Variants in RGS9 observed in about 807,000 individuals in gnomAD.
The protein encoded by RGS9 is regulator of G-protein signalling 9.
In RGS9, 78 loss-of-function variants were observed where a neutral mutation model predicts 102.0. The ratio of observed to expected loss-of-function variants is 0.76; its 90% CI spans 0.64 to 0.92. The LOEUF is 0.92. Among genes scored for constraint, RGS9 ranks in the 40% least tolerant of loss-of-function variants. RGS9 has a pLI of 0.00. For missense variants in RGS9, 833 were observed against 866.1 expected (o/e 0.96, Z 0.48); for synonymous variants, 353 against 318.6 (o/e 1.11, Z -1.15).
intron 17 of RGS9, among the ~76,000 whole-genome samples, chr17:65,213,190 G>A (rs73330418): frequency 0.05 from 7,628 of 152,238 alleles, 336 homozygotes; most frequent in African/African-American, 0.11. Context: ...TTTACTTGAA[G>A]ATTTGGAATG....
chr17:65,215,544 C>CTTTCTTTCT (rs1555617668), intron 17 of RGS9, among the ~76,000 whole-genome samples: 4 of 105,148 alleles, frequency 3.8e-5, no homozygotes, highest in East Asian at 2.2e-4. Flanking sequence ...TTCTTTCTTT[C>CTTTCTTTCT]TTTTTTTTTG....
chr17:65,194,089 A>AGTTG (rs1912488479), intron 12 of RGS9, among the ~76,000 whole-genome samples: 1 of 152,350 alleles, frequency 6.6e-6, no homozygotes, highest in Admixed American at 6.5e-5. Context: ...CAGGCTGGTC[A>AGTTG]GTTGACCTGT....
intron 6 of RGS9, among the ~76,000 whole-genome samples, chr17:65,162,650 T>TC (rs1911029124): frequency 6.6e-6 from 1 of 151,224 alleles, no homozygotes; most frequent in South Asian, 2.1e-4. Context: ...TTTTTTTTTT[T>TC]AGTAGAGACA....
At chr17:65,150,582 A>T (rs549494654) in intron 1 of RGS9, among the ~76,000 whole-genome samples, 2 of 152,188 alleles carry the variant, frequency 1.3e-5, no homozygotes, top group Non-Finnish European at 2.9e-5. Context: ...AGATCATGCC[A>T]CTGCACTCCA....
chr17:65,216,311 A>G (rs796609742), intron 17 of RGS9, among the ~76,000 whole-genome samples: 1 of 152,186 alleles, frequency 6.6e-6, no homozygotes, highest in African/African-American at 2.4e-5. Context: ...CCTGACAACT[A>G]CCAAGCAAAC....
chr17:65,215,181 AGGTGTGGATTAGGAGGGTGGT>A (rs1913442958), intron 17 of RGS9, among the ~76,000 whole-genome samples: 1 of 152,122 alleles, frequency 6.6e-6, no homozygotes, highest in Non-Finnish European at 1.5e-5. Context: ...GTCAAGAGGA[AGGTGTGGATTAGGAGGGTGGT>A]GGTGGGTTCA....
At chr17:65,197,694 G>A (rs1912651516) in intron 13 of RGS9, among the ~76,000 whole-genome samples, 1 of 151,072 alleles carries the variant, frequency 6.6e-6, no homozygotes, top group African/African-American at 2.4e-5. Context: ...TCTGGAGACA[G>A]AGTCTTGCTG....
chr17:65,204,501 A>G (rs1912973456), intron 15 of RGS9, among the ~76,000 whole-genome samples, 200 bp downstream of exon 15: 1 of 152,318 alleles, frequency 6.6e-6, no homozygotes, highest in East Asian at 1.9e-4. Flanking sequence ...TCTTGAGCCC[A>G]GAAGTTTGAG....
intron 1 of RGS9, among the ~76,000 whole-genome samples, chr17:65,138,079 T>A (rs775181853): frequency 4.6e-5 from 7 of 152,198 alleles, no homozygotes; most frequent in Non-Finnish European, 4.4e-5. Context: ...TTTGAGTGTG[T>A]CTATCTGTGC....
intron 7 of RGS9, 53 bp downstream of exon 7, chr17:65,163,142 C>T: frequency 2.4e-6 from 2 of 822,862 alleles, no homozygotes; most frequent in Non-Finnish European, 3.8e-6. Flanking sequence ...TCCCTCTCTT[C>T]CTTCTTTGTT....
chr17:65,141,554 A>G (rs1487863498), intron 1 of RGS9, among the ~76,000 whole-genome samples: 1 of 152,192 alleles, frequency 6.6e-6, no homozygotes, highest in African/African-American at 2.4e-5. Flanking sequence ...ACAGACATAT[A>G]ATTGGGTACT....
intron 9 of RGS9, among the ~76,000 whole-genome samples, chr17:65,181,024 A>T (rs1391302656): frequency 6.6e-6 from 1 of 152,230 alleles, no homozygotes; most frequent in African/African-American, 2.4e-5. Context: ...TATATGTACC[A>T]CATTTTCTTC....
chr17:65,199,321 C>A (rs369371867), intron 13 of RGS9, among the ~76,000 whole-genome samples: 1 of 152,042 alleles, frequency 6.6e-6, no homozygotes. Flanking sequence ...TTCTCCTGCA[C>A]CCCAGCCCTA....
At chr17:65,201,100 T>TATACAC (rs1555616014) in intron 13 of RGS9, among the ~76,000 whole-genome samples, 1 of 148,640 alleles carries the variant, frequency 6.7e-6, no homozygotes, top group South Asian at 2.1e-4. Context: ...CTCCACGATT[T>TATACAC]ACACACACAC....
intron 3 of RGS9, among the ~76,000 whole-genome samples, chr17:65,159,731 A>T (rs1322796938): frequency 6.6e-6 from 1 of 152,196 alleles, no homozygotes; most frequent in Non-Finnish European, 1.5e-5. Flanking sequence ...AATTAAAGTG[A>T]AGTGGGAAGG....
At chr17:65,172,926 C>CT (rs1303818979) in intron 8 of RGS9, among the ~76,000 whole-genome samples, 3 of 149,900 alleles carry the variant, frequency 2.0e-5, no homozygotes, top group African/African-American at 7.3e-5. Flanking sequence ...TTCTTTCTTT[C>CT]TTTCTTTTTT....
intron 7 of RGS9, among the ~76,000 whole-genome samples, chr17:65,166,777 A>C (rs369760550): frequency 6.6e-6 from 1 of 152,210 alleles, no homozygotes. Flanking sequence ...GTTGTGGCCC[A>C]TGCTCCTGAG....
rs1911481621 is a variant in RGS9 at position 65,173,072 on chromosome 17, G to A, written c.583-4660G>A. On this transcript the variant is annotated intron_variant, in intron 8 of 18. Transcript: ENST00000262406. The surrounding 1 kb of genome is among the most constrained non-coding windows in gnomAD (Gnocchi z 4.8). ...CGAGTAGCTGGAATTACAGGTGTGC[G>A]CCACCTCGCCTGGCTAATTTTTTGT... is the stretch of plus-strand genomic sequence containing the variant. 1.3e-5 allele frequency among the ~76,000 whole-genome samples: 2 copies of A among 151,934 alleles called. No individual in the cohort carries two copies. The highest frequency in any genetic ancestry group is 4.2e-4 in the South Asian group (2 of 4,818).
chr17:65,149,715 T>C (rs1910506115), intron 1 of RGS9, among the ~76,000 whole-genome samples: 1 of 152,206 alleles, frequency 6.6e-6, no homozygotes, highest in South Asian at 2.1e-4. Flanking sequence ...TCTCTCCTTA[T>C]AGAGCATTTT....
Sources: gnomAD v4.1 joint callset for allele counts (sites outside exome capture counted in the v4.1 genomes callset) on GRCh38, gnomAD v4.1.1 for gene constraint, Gnocchi (gnomAD v3.1) non-coding constraint, MANE v1.5 for transcripts, NCBI Gene and HGNC (gene_info 2026-07-23, HGNC 2026-07-21) for gene names.